CSMD1: variants seen among roughly 807,000 people sequenced by gnomAD.
CSMD1 encodes CUB and sushi domain-containing protein 1.
CSMD1 carries 213 observed loss-of-function variants against 417.5 expected under a neutral mutation model. The ratio of observed to expected loss-of-function variants is 0.51; its 90% CI spans 0.46 to 0.57. The LOEUF (loss-of-function observed/expected upper bound fraction) is 0.57, where lower values mean the gene tolerates loss of function less well. Among genes scored for constraint, CSMD1 ranks in the 20% least tolerant of loss-of-function variants. The pLI is 0.00. For synonymous variants in CSMD1, 2,862 were observed against 1,736.8 expected (o/e 1.65, Z -16.11); for missense variants, 6,923 against 4,529.7 (o/e 1.53, Z -15.17).
chr8:3,585,522 T>C (rs1584924164), intron 9 of CSMD1, among the ~76,000 whole-genome samples: 2 of 152,170 alleles, frequency 1.3e-5, no homozygotes, highest in South Asian at 2.1e-4. Context: ...TTCAATATGA[T>C]TTCTGTAATT....
intron 1 of CSMD1, among the ~76,000 whole-genome samples, chr8:4,708,501 C>T (rs959701027): frequency 6.6e-6 from 1 of 152,146 alleles, no homozygotes; most frequent in African/African-American, 2.4e-5. Flanking sequence ...GTCACAATAA[C>T]TCAATCTGTA....
intron 2 of CSMD1, among the ~76,000 whole-genome samples, chr8:4,486,234 T>C (rs1165825105): frequency 2.3e-5 from 1 of 44,086 alleles, no homozygotes; most frequent in Non-Finnish European, 4.1e-5. Context: ...TACATACATA[T>C]ATATATATAT....
At chr8:3,912,319 C>T (rs190607244) in intron 5 of CSMD1, among the ~76,000 whole-genome samples, 25 of 152,202 alleles carry the variant, frequency 1.6e-4, no homozygotes, top group East Asian at 7.7e-4. Context: ...ATATTTGATA[C>T]GTACTAATCA....
At chr8:4,069,560 C>T (rs554817012) in intron 3 of CSMD1, among the ~76,000 whole-genome samples, 2 of 152,324 alleles carry the variant, frequency 1.3e-5, no homozygotes, top group South Asian at 4.1e-4. Flanking sequence ...GCCTCCCATT[C>T]ACAGGCATCC....
intron 3 of CSMD1, among the ~76,000 whole-genome samples, chr8:4,369,415 C>G (rs1802274747): frequency 6.6e-6 from 1 of 152,144 alleles, no homozygotes; most frequent in Non-Finnish European, 1.5e-5. Flanking sequence ...AAAGTATATT[C>G]TATCACTGTT....
chr8:3,952,610 G>A (rs1811665589), intron 5 of CSMD1, among the ~76,000 whole-genome samples: 1 of 152,102 alleles, frequency 6.6e-6, no homozygotes, highest in African/African-American at 2.4e-5. Context: ...AGAGGAGAAT[G>A]GAAGAAATTC....
intron 3 of CSMD1, among the ~76,000 whole-genome samples, chr8:4,086,013 A>G (rs1036396414): frequency 2.0e-5 from 3 of 152,218 alleles, no homozygotes; most frequent in Non-Finnish European, 4.4e-5. Flanking sequence ...GCAAGGACTA[A>G]CAAAGGTGTG....
chr8:3,922,826 T>C (rs1470234283), intron 5 of CSMD1, among the ~76,000 whole-genome samples: 1 of 152,178 alleles, frequency 6.6e-6, no homozygotes, highest in Non-Finnish European at 1.5e-5. Context: ...ATTCTATATA[T>C]TCATGGTGTA....
At position 3,450,160 on chromosome 8, in the gene CSMD1, G is replaced by A. The variant is rs374057571; in HGVS notation, c.1561+18552C>T. 1.1e-4 allele frequency among the ~76,000 whole-genome samples: 17 copies of A among 152,238 alleles called. No individual in the cohort carries two copies. In the East Asian group the frequency reaches 2.3e-3, roughly 21 times the overall value. On this transcript the variant is annotated intron_variant, in intron 12 of 69. Coordinates refer to ENST00000635120, the MANE Select transcript of CSMD1 (RefSeq NM_033225.6). ...GCTTCGATGACGAACGTTGACTGTG[G>A]GTCTCTTACACTCAGGCGGCCTCCA...
rs115203746 is a variant in CSMD1 at position 3,675,180 on chromosome 8, G to A, written c.1009+33234C>T. On this transcript the variant is annotated intron_variant, in intron 7 of 69. Coordinates refer to ENST00000635120, the MANE Select transcript of CSMD1 (RefSeq NM_033225.6). ...CTCCACATGTCTTTCCCCACTAGTG[G>A]CTCCTTTTCTCCTCACAGAAGGCCT... Among the ~76,000 whole-genome samples the A allele has an allele frequency of 7.5e-4, 114 of 152,216 alleles. 1 individual carries two copies. Among genetic ancestry groups the A allele is most frequent in the African/African-American group, 2.6e-3 (108 of 41,528 alleles).
chr8:4,076,963 C>A (rs529022613), intron 3 of CSMD1, among the ~76,000 whole-genome samples: 1 of 152,264 alleles, frequency 6.6e-6, no homozygotes, highest in African/African-American at 2.4e-5. Flanking sequence ...ACACTTTCCT[C>A]TGAATTATAT....
At chr8:3,422,488 T>G (rs1813557623) in intron 12 of CSMD1, among the ~76,000 whole-genome samples, 1 of 152,182 alleles carries the variant, frequency 6.6e-6, no homozygotes, top group Admixed American at 6.5e-5. Context: ...TAATTGAGTC[T>G]GTCTGAAAGC....
At chr8:3,788,552 C>T (rs1331321232) in intron 5 of CSMD1, among the ~76,000 whole-genome samples, 6 of 152,164 alleles carry the variant, frequency 3.9e-5, no homozygotes, top group Admixed American at 1.3e-4. Context: ...ACCATCCATC[C>T]ATCCGTCAAT....
intron 1 of CSMD1, among the ~76,000 whole-genome samples, chr8:4,913,594 C>G (rs1464429978): frequency 6.6e-6 from 1 of 152,202 alleles, no homozygotes; most frequent in East Asian, 1.9e-4. Context: ...TAATAATGCT[C>G]CCATCCATAT....
At chr8:4,302,076 T>C (rs1301493543) in intron 3 of CSMD1, among the ~76,000 whole-genome samples, 1 of 152,230 alleles carries the variant, frequency 6.6e-6, no homozygotes, top group Admixed American at 6.5e-5. Context: ...ACAAACTTTA[T>C]GAAGACCCCT....
intron 3 of CSMD1, among the ~76,000 whole-genome samples, chr8:4,193,475 G>A (rs1584997122): frequency 6.6e-6 from 1 of 152,118 alleles, no homozygotes; most frequent in East Asian, 1.9e-4. Context: ...ATGGAATGAT[G>A]GACATTAGGG....
chr8:4,749,028 C>A (rs1029501041), intron 1 of CSMD1, among the ~76,000 whole-genome samples: 1 of 151,218 alleles, frequency 6.6e-6, no homozygotes, highest in Non-Finnish European at 1.5e-5. Context: ...CAGTTCTGAC[C>A]CAAAACTGTG....
chr8:3,545,497 G>C (rs115936736), intron 10 of CSMD1, among the ~76,000 whole-genome samples: 1,783 of 152,280 alleles, frequency 0.012, 28 homozygotes, highest in African/African-American at 0.041. Flanking sequence ...TTTTGAAGAG[G>C]TGAGTGATAA....
chr8:3,909,287 T>A (rs914354699), intron 5 of CSMD1, among the ~76,000 whole-genome samples: 1 of 152,144 alleles, frequency 6.6e-6, no homozygotes, highest in Non-Finnish European at 1.5e-5. Flanking sequence ...CTTTCCCTCA[T>A]TGAAGTCTGT....
Sources: allele counts gnomAD v4.1 joint callset (sites outside exome capture counted in the v4.1 genomes callset), GRCh38; gene constraint gnomAD v4.1.1; transcripts MANE v1.5; gene names NCBI Gene and HGNC (gene_info 2026-07-23, HGNC 2026-07-21).